Variants in NSD3 observed in about 807,000 individuals in gnomAD.
NSD3 encodes nuclear receptor binding SET domain protein 3.
A neutral mutation model predicts 160.8 loss-of-function variants in NSD3; 24 were observed. The ratio of observed to expected loss-of-function variants is 0.15; its 90% CI spans 0.11 to 0.21. The LOEUF is 0.21. NSD3 is among the 10% of genes least tolerant of loss of function. The pLI is 1.00. For synonymous variants in NSD3, 520 were observed against 600.0 expected (o/e 0.87, Z 1.95); for missense variants, 1,157 against 1,735.9 (o/e 0.67, Z 5.93).
intron 12 of NSD3, among the ~76,000 whole-genome samples, chr8:38,307,215 C>T (rs917642568): frequency 4.0e-5 from 6 of 151,878 alleles, no homozygotes; most frequent in South Asian, 4.2e-4. Flanking sequence ...GACAGAGTCT[C>T]GCTCTGTCAC....
chr8:38,375,736 T>C (rs1393853170), intron 1 of NSD3, among the ~76,000 whole-genome samples: 1 of 151,992 alleles, frequency 6.6e-6, no homozygotes, highest in Non-Finnish European at 1.5e-5. Flanking sequence ...ATTTAAAAAC[T>C]CAAATGCTGG....
chr8:38,348,266 G>C (rs1004997314), intron 1 of NSD3, 51 bp from the exon 2 acceptor site: 3 of 1,392,440 alleles, frequency 2.2e-6, no homozygotes, highest in Non-Finnish European at 1.9e-6. Flanking sequence ...TCATAGGCTA[G>C]AGGCTAATCA....
At chr8:38,324,761 A>AC (rs1413136697) in intron 7 of NSD3, among the ~76,000 whole-genome samples, 12 of 152,000 alleles carry the variant, frequency 7.9e-5, no homozygotes, top group African/African-American at 1.4e-4. Context: ...TTTAAGCTCC[A>AC]CCCCCCCATC....
intron 1 of NSD3, among the ~76,000 whole-genome samples, chr8:38,359,940 C>A (rs1295327418): frequency 6.6e-6 from 1 of 152,016 alleles, no homozygotes; most frequent in Non-Finnish European, 1.5e-5. Flanking sequence ...AAAGTTTGAA[C>A]CACGATAGTA....
rs1490429766 is a variant in NSD3 at position 38,337,482 on chromosome 8, CA to C, written c.748-16del. ...ATTGGCTGAACCTACAGGAAAGGGT[CA>C]AAAAACTTCATCAGAAATTCAAAAA... On this transcript the variant is annotated splice_polypyrimidine_tract_variant and intron_variant, in intron 3 of 23. Transcript: ENST00000317025. The C allele has an allele frequency of 1.3e-6, 2 of 1,529,554 alleles. No homozygotes were observed. The highest frequency in any genetic ancestry group is 2.4e-5 in the Admixed American group (1 of 41,814). The allele number at this position is 1,529,554 out of a possible 1,614,324, so 94.7% of individuals were successfully genotyped here.
intron 1 of NSD3, among the ~76,000 whole-genome samples, chr8:38,381,340 T>C (rs1470528848): frequency 1.3e-5 from 2 of 151,922 alleles, no homozygotes; most frequent in African/African-American, 4.8e-5. Flanking sequence ...GCCCCATTTC[T>C]CCAGCAAATT....
chr8:38,378,566 C>T lies in NSD3; in HGVS notation c.-45+3233G>A, dbSNP rs559291857. Among the ~76,000 whole-genome samples, 7 of 151,986 alleles carry T rather than the reference C, an allele frequency of 4.6e-5. No individual in the cohort carries two copies. The South Asian group carries it at 6.2e-4, about 14-fold the overall frequency. ...CTGAGGCAGGAGAATGGTGTGAACC[C>T]GAGAGGCGGAGCTTGCAGTGAGCCA... On this transcript the variant is annotated intron_variant, in intron 1 of 23. Coordinates refer to ENST00000317025, the MANE Select transcript of NSD3 (RefSeq NM_023034.2).
At chr8:38,368,584 G>C (rs1252596634) in intron 1 of NSD3, among the ~76,000 whole-genome samples, 1 of 152,058 alleles carries the variant, frequency 6.6e-6, no homozygotes, top group African/African-American at 2.4e-5. Context: ...CAACATTTTA[G>C]GTGGCTTTGT....
At chr8:38,302,329 A>G (rs765144566) in intron 14 of NSD3, among the ~76,000 whole-genome samples, 14 of 152,274 alleles carry the variant, frequency 9.2e-5, no homozygotes, top group Non-Finnish European at 1.5e-4. Flanking sequence ...ATAAAAGAAC[A>G]CATATTATTT....
chr8:38,344,572 C>A (rs572964338), intron 2 of NSD3, among the ~76,000 whole-genome samples: 1 of 152,206 alleles, frequency 6.6e-6, no homozygotes, highest in African/African-American at 2.4e-5. Flanking sequence ...CATGCCCGGA[C>A]TTAAACATGG....
intron 3 of NSD3, among the ~76,000 whole-genome samples, chr8:38,337,963 G>C (rs1367200514): frequency 6.6e-6 from 1 of 152,172 alleles, no homozygotes; most frequent in Non-Finnish European, 1.5e-5. Context: ...CTGAAGATAG[G>C]ATTGATGGTT....
intron 3 of NSD3, 110 bp from the exon 4 acceptor site, chr8:38,337,577 C>A: frequency 9.9e-7 from 1 of 1,009,926 alleles, no homozygotes. Flanking sequence ...TACTTTGATA[C>A]AGGAAAGTGT....
intron 1 of NSD3, among the ~76,000 whole-genome samples, chr8:38,353,600 T>G (rs970667292): frequency 6.6e-6 from 1 of 152,190 alleles, no homozygotes; most frequent in Non-Finnish European, 1.5e-5. Flanking sequence ...TATTTTCCCC[T>G]TTTCCTGTCT....
chr8:38,326,864 A>G lies in NSD3; in HGVS notation c.1582-8T>C. ...TGTTTTGTTACCAATTCCCTTTAAA[A>G]TAAGGCAAAAGAAAAAACAACAAAA... On this transcript the variant is annotated splice_region_variant and splice_polypyrimidine_tract_variant and intron_variant, in intron 6 of 23. Coordinates refer to ENST00000317025, the MANE Select transcript of NSD3 (RefSeq NM_023034.2). 6.2e-7 allele frequency: 1 copy of G among 1,613,014 alleles called. No individual in the cohort carries two copies. The highest frequency in any genetic ancestry group is 1.3e-5 in the African/African-American group (1 of 74,964).
At chr8:38,350,112 T>A (rs112357054) in intron 1 of NSD3, among the ~76,000 whole-genome samples, 13,715 of 152,250 alleles carry the variant, frequency 0.09, 782 homozygotes, top group Middle Eastern at 0.21. Flanking sequence ...TGGTTCCAAG[T>A]CTTTGCTATT....
At chr8:38,310,665 G>A (rs1809512875) in intron 12 of NSD3, among the ~76,000 whole-genome samples, 1 of 151,248 alleles carries the variant, frequency 6.6e-6, no homozygotes, top group African/African-American at 2.4e-5. Flanking sequence ...ACGCCACCAT[G>A]CCAGGCTAAC....
intron 1 of NSD3, among the ~76,000 whole-genome samples, chr8:38,353,151 C>T (rs547021845): frequency 7.2e-5 from 11 of 152,196 alleles, no homozygotes; most frequent in African/African-American, 2.4e-4. Flanking sequence ...CAAGATTCAC[C>T]CAGGCTGGAG....
At chr8:38,307,900 TAAG>T (rs1809447020) in intron 12 of NSD3, among the ~76,000 whole-genome samples, 1 of 152,208 alleles carries the variant, frequency 6.6e-6, no homozygotes, top group African/African-American at 2.4e-5. Flanking sequence ...TAACAAATGA[TAAG>T]AATACTTTTA....
chr8:38,302,665 C>G (rs1809304043), intron 14 of NSD3, among the ~76,000 whole-genome samples: 1 of 152,222 alleles, frequency 6.6e-6, no homozygotes, highest in Non-Finnish European at 1.5e-5. Flanking sequence ...GTACAATTTT[C>G]TAGCTGTCCT....
Sources: allele counts gnomAD v4.1 joint callset (sites outside exome capture counted in the v4.1 genomes callset), GRCh38; gene constraint gnomAD v4.1.1; transcripts MANE v1.5; gene names NCBI Gene and HGNC (gene_info 2026-07-23, HGNC 2026-07-21).